The following TRMT11 variants were observed in gnomAD, a reference collection of about 807,000 sequenced individuals.
The protein encoded by TRMT11 is tRNA methyltransferase 11, also known as tRNA (guanine(10)-N(2))-methyltransferase TRMT11.
TRMT11 carries 53 observed loss-of-function variants against 62.8 expected under a neutral mutation model. The observed-to-expected ratio is 0.84, with a 90% CI of 0.68 to 1.06. The LOEUF (loss-of-function observed/expected upper bound fraction) is 1.06, where lower values mean the gene tolerates loss of function less well. Among genes scored for constraint, TRMT11 ranks in the 50% least tolerant of loss-of-function variants. TRMT11 has a pLI of 0.00. For missense variants in TRMT11, 556 were observed against 553.4 expected (o/e 1.00, Z -0.05); for synonymous variants, 188 against 190.3 (o/e 0.99, Z 0.10).
intron 21 of TRMT11, among the ~76,000 whole-genome samples, chr6:126,166,139 A>G (rs1163907614): frequency 6.6e-6 from 1 of 151,948 alleles, no homozygotes; most frequent in Non-Finnish European, 1.5e-5. Flanking sequence ...CCATCAGGTC[A>G]TTTATTTTCT....
At chr6:126,138,185 T>C (rs1004736719) in intron 21 of TRMT11, among the ~76,000 whole-genome samples, 2 of 152,008 alleles carry the variant, frequency 1.3e-5, no homozygotes, top group African/African-American at 4.8e-5. Context: ...ACTTGATCAC[T>C]ATATGTTGTA....
At chr6:126,073,812 A>T (rs1264112808) in intron 17 of TRMT11, among the ~76,000 whole-genome samples, 1 of 152,172 alleles carries the variant, frequency 6.6e-6, no homozygotes, top group African/African-American at 2.4e-5. Flanking sequence ...TGGGTAATTT[A>T]TAAAGGAAAT....
intron 21 of TRMT11, among the ~76,000 whole-genome samples, chr6:126,154,442 T>C (rs1177292291): frequency 6.6e-6 from 1 of 152,118 alleles, no homozygotes; most frequent in Non-Finnish European, 1.5e-5. Flanking sequence ...AAAGTTTTAC[T>C]GTAGCACGTA....
intron 11 of TRMT11, among the ~76,000 whole-genome samples, chr6:126,016,239 T>A (rs2127957996): frequency 6.6e-6 from 1 of 152,330 alleles, no homozygotes; most frequent in Non-Finnish European, 1.5e-5. Flanking sequence ...CCCATTTACT[T>A]CATTAATTTA....
In TRMT11 at chr6:126,167,997, G is replaced by A. The variant is rs562699560; in HGVS notation, c.*1824-6828G>A. Among the ~76,000 whole-genome samples the A allele has an allele frequency of 1.2e-4, 19 of 152,310 alleles. 1 individual carries two copies. The South Asian group carries it at 3.9e-3, about 32-fold the overall frequency. ...GATTTTTGTTTTTGTTTGGACTTGG[G>A]TCAGTGTCTCCCATTTATAGCTGGA... On this transcript the variant is annotated intron_variant and NMD_transcript_variant, in intron 21 of 22. Coordinates refer to the TRMT11 transcript ENST00000648977.
At chr6:126,061,367 T>A (rs988674386) in intron 17 of TRMT11, among the ~76,000 whole-genome samples, 4 of 152,222 alleles carry the variant, frequency 2.6e-5, no homozygotes, top group Admixed American at 2.6e-4. Flanking sequence ...AAGTCATTAA[T>A]ATAGTTCTTA....
chr6:126,099,678 C>T (rs996498796), intron 17 of TRMT11, among the ~76,000 whole-genome samples: 1 of 152,100 alleles, frequency 6.6e-6, no homozygotes, highest in Non-Finnish European at 1.5e-5. Flanking sequence ...ACAGGGGAGG[C>T]GGAAGTTGCG....
At chr6:126,033,571 A>G (rs1287119675) in intron 12 of TRMT11, among the ~76,000 whole-genome samples, 1 of 152,122 alleles carries the variant, frequency 6.6e-6, no homozygotes, top group Non-Finnish European at 1.5e-5. Flanking sequence ...TGAGGTGAAT[A>G]TGTAGTTGTC....
At chr6:126,026,803 T>G (rs1388404411) in intron 12 of TRMT11, among the ~76,000 whole-genome samples, 11 of 107,848 alleles carry the variant, frequency 1.0e-4, no homozygotes, top group Non-Finnish European at 1.6e-4. Flanking sequence ...GTTTTTTGGG[T>G]TTTTTTTTTT....
chr6:126,246,188 A>G, the TRMT11 span, among the ~76,000 whole-genome samples: 1 of 152,166 alleles, frequency 6.6e-6, no homozygotes, highest in Non-Finnish European at 1.5e-5. Context: ...TCGAGGCTGC[A>G]GTGGGTGATG....
intron 21 of TRMT11, among the ~76,000 whole-genome samples, chr6:126,143,500 TTTTC>T (rs571890634): frequency 6.6e-6 from 1 of 152,142 alleles, no homozygotes; most frequent in Non-Finnish European, 1.5e-5. Context: ...GAGCTGCAGA[TTTTC>T]TTTTTCTTTT....
intron 3 of TRMT11, among the ~76,000 whole-genome samples, chr6:126,200,354 A>G (rs1045950892): frequency 1.3e-5 from 2 of 152,188 alleles, no homozygotes; most frequent in African/African-American, 4.8e-5. Context: ...TTACCATAAC[A>G]TTCTCTGGCC....
At chr6:126,156,860 A>G (rs1778128270) in intron 21 of TRMT11, among the ~76,000 whole-genome samples, 1 of 152,214 alleles carries the variant, frequency 6.6e-6, no homozygotes, top group Admixed American at 6.5e-5. Flanking sequence ...CCCCATCTCC[A>G]ACATTGGAGA....
At chr6:126,210,752 CA>C in the TRMT11 span, among the ~76,000 whole-genome samples, 1 of 152,168 alleles carries the variant, frequency 6.6e-6, no homozygotes, top group African/African-American at 2.4e-5. Flanking sequence ...TACTTTCAAG[CA>C]AAATTCACTG....
the TRMT11 span, among the ~76,000 whole-genome samples, chr6:126,260,552 G>T: frequency 6.6e-6 from 1 of 152,148 alleles, no homozygotes; most frequent in Non-Finnish European, 1.5e-5. Flanking sequence ...TTTCATGGTA[G>T]TAATTATTGT....
intron 12 of TRMT11, among the ~76,000 whole-genome samples, chr6:126,031,881 C>G (rs1774264608): frequency 6.6e-6 from 1 of 152,126 alleles, no homozygotes; most frequent in South Asian, 2.1e-4. Context: ...TGTGATACTA[C>G]TGAGGGGGCT....
At chr6:126,213,748 C>T in the TRMT11 span, among the ~76,000 whole-genome samples, 1 of 151,930 alleles carries the variant, frequency 6.6e-6, no homozygotes, top group Non-Finnish European at 1.5e-5. Flanking sequence ...TATCTCTCTC[C>T]TCTCTGACTG....
At chr6:126,141,199 CTTAA>C (rs1371161504) in intron 21 of TRMT11, among the ~76,000 whole-genome samples, 1 of 152,040 alleles carries the variant, frequency 6.6e-6, no homozygotes, top group Non-Finnish European at 1.5e-5. Flanking sequence ...TTCTAATCAT[CTTAA>C]TTAATTAGCA....
At chr6:126,226,343 A>C in the TRMT11 span, among the ~76,000 whole-genome samples, 1 of 152,224 alleles carries the variant, frequency 6.6e-6, no homozygotes, top group Non-Finnish European at 1.5e-5. Context: ...AAATTCAGGC[A>C]AGAAGCTGTA....
Sources: gnomAD v4.1 joint callset for allele counts (sites outside exome capture counted in the v4.1 genomes callset) on GRCh38, gnomAD v4.1.1 for gene constraint, MANE v1.5 for transcripts, NCBI Gene and HGNC (gene_info 2026-07-23, HGNC 2026-07-21) for gene names.